The following DLG5 variants were observed in gnomAD, a reference collection of about 807,000 sequenced individuals.
DLG5 encodes the protein discs large MAGUK scaffold protein 5, also known as disks large homolog 5.
Under a neutral mutation model 189.8 loss-of-function variants are expected in DLG5, and 48 were observed. The ratio of observed to expected loss-of-function variants is 0.25; its 90% CI spans 0.20 to 0.32. DLG5 has a LOEUF of 0.32. DLG5 is among the 10% of genes least tolerant of loss of function. The probability of loss-of-function intolerance (pLI) is 1.00; values close to 1 mark genes in which losing one functional copy is unlikely to be tolerated. For missense variants in DLG5, 2,160 were observed against 2,544.7 expected, an observed-to-expected ratio of 0.85 and a Z score of 3.25; for synonymous variants, 1,016 against 1,054.1, an observed-to-expected ratio of 0.96 and a Z score of 0.70.
rs1191542590 is a variant in DLG5, at chr10:77,805,774, G to A, written c.5055C>T (p.Arg1685=). The A allele has an allele frequency of 6.2e-7, 1 of 1,614,070 alleles. No homozygotes were observed. Among genetic ancestry groups the A allele is most frequent in the Non-Finnish European group, 8.5e-7 (1 of 1,180,052 alleles). ...SATKTLSAAA[R]RSFFRRKHKH... is the part of the protein sequence containing the mutation. ...TGTGTTTCCTCCGAAAAAAGGACCG[G>A]CGTGCAGCCGCTGACAGCGTCTTTG... Residue 1685 remains arginine (R), a synonymous_variant, in exon 27 of 32, where the codon CGC becomes CGT. Transcript: ENST00000372391.
intron 27 of DLG5, among the ~76,000 whole-genome samples, chr10:77,802,239 C>T (rs746494412): frequency 1.5e-4 from 23 of 152,138 alleles, no homozygotes; most frequent in Non-Finnish European, 3.2e-4. Flanking sequence ...TAATTGGGTA[C>T]AGCGGCCACA....
intron 2 of DLG5, among the ~76,000 whole-genome samples, chr10:77,859,870 T>C (rs1387766393): frequency 6.6e-6 from 1 of 152,224 alleles, no homozygotes; most frequent in Non-Finnish European, 1.5e-5. Flanking sequence ...AGGGGTCTCC[T>C]CTGCAGCTTC....
intron 27 of DLG5, among the ~76,000 whole-genome samples, chr10:77,798,404 A>G (rs1272358931): frequency 3.3e-5 from 5 of 152,112 alleles, no homozygotes; most frequent in Non-Finnish European, 7.3e-5. Flanking sequence ...AGGAGTTTAC[A>G]TAAACAAATC....
intron 1 of DLG5, among the ~76,000 whole-genome samples, chr10:77,904,166 T>C (rs1259941878): frequency 6.6e-6 from 1 of 152,200 alleles, no homozygotes; most frequent in Non-Finnish European, 1.5e-5. Context: ...CACTTCAGCC[T>C]GGGCAACATG....
the DLG5 span, among the ~76,000 whole-genome samples, chr10:77,937,998 G>T: frequency 6.6e-6 from 1 of 151,066 alleles, no homozygotes; most frequent in Non-Finnish European, 1.5e-5. Flanking sequence ...GATTACAGGC[G>T]TGAGCCACCG....
Position 77,921,316 on chromosome 10 carries a change from C to T in DLG5, c.304+4901G>A, listed in dbSNP as rs186852065. 2.4e-4 allele frequency among the ~76,000 whole-genome samples: 36 copies of T among 152,222 alleles called. 1 individual carries two copies. The highest frequency in any genetic ancestry group is 4.0e-4 in the Non-Finnish European group (27 of 68,018). On this transcript the variant is annotated intron_variant, in intron 1 of 31. Coordinates refer to ENST00000372391, the MANE Select transcript of DLG5 (RefSeq NM_004747.4). ...GGATGAAGAAAAGGTGGCTGGTACCCGAAGGAAGTGGAGAGAGAACAAAAG... is the reference window on the plus strand; with the variant it reads ...GGATGAAGAAAAGGTGGCTGGTACCTGAAGGAAGTGGAGAGAGAACAAAAG...
chr10:77,825,386 AC>A (rs1842579168), intron 13 of DLG5, among the ~76,000 whole-genome samples: 1 of 146,130 alleles, frequency 6.8e-6, no homozygotes, highest in Non-Finnish European at 1.5e-5. Flanking sequence ...ACACACACAC[AC>A]ACACACACAC....
At position 77,799,857 on chromosome 10, in the gene DLG5, T is replaced by C. The variant is rs138765335; in HGVS notation, c.5165-3263A>G. 8.0e-3 allele frequency among the ~76,000 whole-genome samples: 1,225 copies of C among 152,256 alleles called. 18 individuals are homozygous for C. Among genetic ancestry groups the C allele is most frequent in the African/African-American group, 0.027 (1,124 of 41,552 alleles). ...AACTCCTGGCCTCAAGCGATCCTCT[T>C]GCCTCAGCTTCCCAAAGTGCTGGGA... On this transcript the variant is annotated intron_variant, in intron 27 of 31. Transcript: ENST00000372391.
In DLG5 at chr10:77,821,543, G is replaced by T; in HGVS notation, c.2941C>A (p.Arg981Ser). The stretch of plus-strand genomic sequence containing the variant: ...TCTATTTTGGGGGGTGTCTGGGGGC[G>T]TTTGAAAGTGTTAGGGTCAAAGATG... ...KSIFDPNTFK[R>S]PQTPPKIDYL... The change falls in exon 15 of 32, where the codon CGC (arginine) becomes AGC (serine). Residue 981 changes from arginine (R) to serine (S), a missense_variant. By Grantham distance (110) the Arg-to-Ser change is moderately radical (BLOSUM62 -1). Transcript: ENST00000372391. 6.2e-7 allele frequency: 1 copy of T among 1,612,904 alleles called. No homozygotes were observed. Among genetic ancestry groups the T allele is most frequent in the Non-Finnish European group, 8.5e-7 (1 of 1,180,022 alleles).
At chr10:77,854,396 T>C in intron 3 of DLG5, 26 bp from the exon 4 acceptor site, 1 of 1,612,708 alleles carries the variant, frequency 6.2e-7, no homozygotes, top group South Asian at 1.1e-5. Context: ...AATGGCCCCA[T>C]GAACACAGGC....
At chr10:77,902,550 TG>T (rs1845955863) in intron 1 of DLG5, among the ~76,000 whole-genome samples, 1 of 152,164 alleles carries the variant, frequency 6.6e-6, no homozygotes, top group Non-Finnish European at 1.5e-5. Flanking sequence ...CAGGCAAGAC[TG>T]TGCTCCCATT....
rs552226910 is a variant in DLG5, at chr10:77,795,016, G to A, written c.5437-58C>T. On this transcript the variant is annotated intron_variant, in intron 29 of 31. Coordinates refer to ENST00000372391, the MANE Select transcript of DLG5 (RefSeq NM_004747.4). ...GGCAGTGAGGGGCAGCCAGCCCCCT[G>A]TCCTGCCACCAGCAGGACCCACCTC... 77 of 1,443,244 alleles carry A rather than the reference G, an allele frequency of 5.3e-5. No homozygotes were observed. The African/African-American group carries it at 8.2e-4, about 15-fold the overall frequency. 89.4% of individuals were successfully genotyped at this position (1,443,244 alleles called of 1,614,324 possible). A position where few individuals can be genotyped will look rare whatever the true frequency, so the allele number is the denominator to read the frequency against.
Position 77,794,072 on chromosome 10 carries a change from C to A in DLG5, c.5592G>T (p.Arg1864Ser). 6.2e-7 allele frequency: 1 copy of A among 1,614,214 alleles called. No homozygotes were observed. The highest frequency in any genetic ancestry group is 8.5e-7 in the Non-Finnish European group (1 of 1,180,044). The change falls in exon 31 of 32, where the codon AGG (arginine) becomes AGT (serine). Residue 1864 changes from arginine to serine, a missense_variant. By Grantham distance (110) the Arg-to-Ser change is moderately radical (BLOSUM62 -1). Around this residue, in one of 5 missense-constraint regions of DLG5, gnomAD observed 574 missense variants for 644.2 expected, o/e 0.89. Transcript: ENST00000372391. ...CCGCCTCAAACTGCTCTTTGGAATG[C>A]CTCTGAGTCACCTTGTCCCTCAGGT... Reference protein sequence around the residue: ...PIYLRDKVTQRHSKEQFEAAQ... With the variant: ...PIYLRDKVTQSHSKEQFEAAQ...
the DLG5 span, among the ~76,000 whole-genome samples, chr10:77,932,445 A>G: frequency 6.6e-6 from 1 of 152,156 alleles, no homozygotes; most frequent in Admixed American, 6.6e-5. Flanking sequence ...TTTTGCATTG[A>G]GGCCCTACTT....
chr10:77,892,026 T>C lies in DLG5; in HGVS notation c.305-22829A>G, dbSNP rs1006439182. ...CAGGGATCACAGCACCCTGCCCTCA[T>C]CATCTGCATTTATGGTCCCCACAAG... On this transcript the variant is annotated intron_variant, in intron 1 of 31. Transcript: ENST00000372391. Among the ~76,000 whole-genome samples, 6 of 152,146 alleles carry C rather than the reference T, an allele frequency of 3.9e-5. 1 individual carries two copies. The highest frequency in any genetic ancestry group is 1.2e-4 in the African/African-American group (5 of 41,436).
Position 77,792,345 on chromosome 10 carries a change from AGACG to A in DLG5, c.*91_*94del. On this transcript the variant is annotated 3_prime_UTR_variant, in exon 32 of 32. Coordinates refer to ENST00000372391, the MANE Select transcript of DLG5 (RefSeq NM_004747.4). ...CCGGATCCTTCCCCCGCATGTTCATAGACGGACAGACTTCTACTTTCAGTCGCTA... is the reference window on the plus strand; with the variant it reads ...CCGGATCCTTCCCCCGCATGTTCATAGACAGACTTCTACTTTCAGTCGCTA... The A allele has an allele frequency of 1.6e-6, 2 of 1,252,596 alleles. No individual in the cohort carries two copies. Among genetic ancestry groups the A allele is most frequent in the Non-Finnish European group, 2.3e-6 (2 of 857,278 alleles). 77.6% of individuals were successfully genotyped at this position (1,252,596 alleles called of 1,614,324 possible).
At chr10:77,848,885 G>A (rs1564545534) in intron 5 of DLG5, among the ~76,000 whole-genome samples, 1 of 152,108 alleles carries the variant, frequency 6.6e-6, no homozygotes, top group Non-Finnish European at 1.5e-5. Context: ...ATTGGTTGAA[G>A]ATTTTTTTTC....
In DLG5 at chr10:77,819,414, C is replaced by T. The variant is rs1189751440; in HGVS notation, c.3578G>A (p.Arg1193Gln). 21 of 1,613,488 alleles carry T rather than the reference C, an allele frequency of 1.3e-5. No individual in the cohort carries two copies. Among genetic ancestry groups the T allele is most frequent in the African/African-American group, 4.0e-5 (3 of 74,738 alleles). ...TPSTTVSSILRNPIYTVRSHR... is the reference protein window; with the variant it reads ...TPSTTVSSILQNPIYTVRSHR... ...ACTGCGCACAGTGTAGATGGGGTTCCGCAGGATGGAGCTCACAGTGGTGCT... is the reference window on the plus strand; with the variant it reads ...ACTGCGCACAGTGTAGATGGGGTTCTGCAGGATGGAGCTCACAGTGGTGCT... The change falls in exon 17 of 32, where the codon CGG becomes CAG. Residue 1193 changes from arginine (R) to glutamine (Q), a missense_variant. Coordinates refer to ENST00000372391, the MANE Select transcript of DLG5 (RefSeq NM_004747.4).
At chr10:77,939,454 C>T in the DLG5 span, among the ~76,000 whole-genome samples, 1 of 152,158 alleles carries the variant, frequency 6.6e-6, no homozygotes, top group Non-Finnish European at 1.5e-5. Context: ...CCCCTGGGCA[C>T]CAACCCTTCC....
Sources: allele counts gnomAD v4.1 joint callset (sites outside exome capture counted in the v4.1 genomes callset), GRCh38; gene constraint gnomAD v4.1.1; regional missense constraint gnomAD v4.1.1; transcripts MANE v1.5; gene names NCBI Gene and HGNC (gene_info 2026-07-23, HGNC 2026-07-21).